The following ACOT7 variants were observed in gnomAD, a reference collection of about 807,000 sequenced individuals.
ACOT7 encodes the protein acyl-CoA thioesterase 7.
A neutral mutation model predicts 40.2 loss-of-function variants in ACOT7; 12 were observed. The ratio of observed to expected loss-of-function variants is 0.30; its 90% CI spans 0.19 to 0.48. The LOEUF is 0.48. Among genes scored for constraint, ACOT7 ranks in the 20% least tolerant of loss-of-function variants. The pLI, the probability that ACOT7 is intolerant of heterozygous loss-of-function variation, is 0.99. For synonymous variants in ACOT7, 228 were observed against 219.5 expected (o/e 1.04, Z -0.34); for missense variants, 395 against 530.8 (o/e 0.74, Z 2.51).
rs1639278618 is a variant in ACOT7 at position 6,278,999 on chromosome 1, G to A, written c.1014+2103C>T. ...AGCTTCGGAAATGTGCCTGGGTCAG[G>A]TGGGGGATTCAGCATCAGGACAGAC... On this transcript the variant is annotated intron_variant, in intron 8 of 8. Transcript: ENST00000361521. The surrounding 1 kb of genome is among the most constrained non-coding windows in gnomAD (Gnocchi z 4.1). 6.6e-6 allele frequency among the ~76,000 whole-genome samples: 1 copy of A among 152,224 alleles called. No individual in the cohort carries two copies. The highest frequency in any genetic ancestry group is 1.5e-5 in the Non-Finnish European group (1 of 68,028).
intron 4 of ACOT7, among the ~76,000 whole-genome samples, chr1:6,329,446 T>A (rs1387361197): frequency 1.3e-5 from 2 of 151,896 alleles, no homozygotes; most frequent in Non-Finnish European, 2.9e-5. Context: ...CTAGGAACAT[T>A]GGTGGGTGAA....
intron 4 of ACOT7, among the ~76,000 whole-genome samples, chr1:6,329,675 T>A (rs1417862056): frequency 6.6e-6 from 1 of 151,956 alleles, no homozygotes; most frequent in Non-Finnish European, 1.5e-5. Context: ...CTGGAACATT[T>A]TAATGATGGC....
At chr1:6,284,673 C>T (rs772504129) in intron 7 of ACOT7, among the ~76,000 whole-genome samples, 11 of 152,082 alleles carry the variant, frequency 7.2e-5, no homozygotes, top group African/African-American at 1.2e-4. Flanking sequence ...AAATCCTCTC[C>T]GCCTCCTCCA....
intron 6 of ACOT7, among the ~76,000 whole-genome samples, chr1:6,304,179 C>T (rs1371630070): frequency 6.6e-6 from 1 of 152,044 alleles, no homozygotes; most frequent in Non-Finnish European, 1.5e-5. Flanking sequence ...AGTTTCCTTC[C>T]AAGAGTCCAG....
At chr1:6,380,779 T>C (rs1642320296) in intron 1 of ACOT7, among the ~76,000 whole-genome samples, 1 of 150,452 alleles carries the variant, frequency 6.6e-6, no homozygotes, top group South Asian at 2.1e-4. Context: ...ATAAAACTCT[T>C]AGAAGAAAAC....
chr1:6,317,102 T>G (rs1196224110), intron 6 of ACOT7, among the ~76,000 whole-genome samples: 1 of 152,196 alleles, frequency 6.6e-6, no homozygotes, highest in Non-Finnish European at 1.5e-5. Flanking sequence ...TGTGCAAAAG[T>G]GCCTGTTATG....
chr1:6,269,465 G>A (rs768937610), intron 8 of ACOT7, among the ~76,000 whole-genome samples: 5 of 152,302 alleles, frequency 3.3e-5, no homozygotes, highest in Non-Finnish European at 4.4e-5. Flanking sequence ...CCACCCCAGC[G>A]GCCACCAGGC....
At chr1:6,270,461 C>T (rs956676845) in intron 8 of ACOT7, among the ~76,000 whole-genome samples, 1 of 152,174 alleles carries the variant, frequency 6.6e-6, no homozygotes, top group African/African-American at 2.4e-5. Context: ...CAGGCTCCTC[C>T]GAGCCTCTGG....
intron 3 of ACOT7, among the ~76,000 whole-genome samples, chr1:6,334,463 G>A (rs1038708847): frequency 1.3e-5 from 2 of 152,248 alleles, no homozygotes; most frequent in Admixed American, 6.5e-5. Context: ...CAGGGGGGAC[G>A]GCCAGGGCCC....
At chr1:6,340,121 A>G (rs961347057) in intron 2 of ACOT7, among the ~76,000 whole-genome samples, 3 of 151,952 alleles carry the variant, frequency 2.0e-5, no homozygotes, top group East Asian at 1.9e-4. Context: ...GCCCGCCACC[A>G]TGCCCGGCTA....
chr1:6,302,071 TCAGATTATA>T (rs1639988835), intron 6 of ACOT7, among the ~76,000 whole-genome samples: 1 of 152,172 alleles, frequency 6.6e-6, no homozygotes, highest in Admixed American at 6.5e-5. Flanking sequence ...GTGTCTATTA[TCAGATTATA>T]CCCCACACCT....
chr1:6,304,965 G>A (rs1477935182), intron 6 of ACOT7, among the ~76,000 whole-genome samples: 4 of 148,454 alleles, frequency 2.7e-5, no homozygotes, highest in East Asian at 2.0e-4. Context: ...TTCCCAGTAG[G>A]GGCGGCCGGG....
In ACOT7 at chr1:6,289,068, T is replaced by G. The variant is rs1242683891; in HGVS notation, c.829+5796A>C. On this transcript the variant is annotated intron_variant, in intron 7 of 8. Coordinates refer to ENST00000361521, the MANE Select transcript of ACOT7 (RefSeq NM_007274.4). The surrounding 1 kb of genome is among the most constrained non-coding windows in gnomAD (Gnocchi z 4.6). ...GAAGCCACCCCACAGGTCTGGCGTCTCCATTCCGCATTCCCACTGTTTTCT... is the reference window on the plus strand; with the variant it reads ...GAAGCCACCCCACAGGTCTGGCGTCGCCATTCCGCATTCCCACTGTTTTCT... Among the ~76,000 whole-genome samples the G allele has an allele frequency of 6.6e-6, 1 of 152,214 alleles. No homozygotes were observed. Among genetic ancestry groups the G allele is most frequent in the Non-Finnish European group, 1.5e-5 (1 of 68,050 alleles).
chr1:6,336,816 A>G (rs1641117931), intron 3 of ACOT7, among the ~76,000 whole-genome samples: 1 of 152,216 alleles, frequency 6.6e-6, no homozygotes, highest in Non-Finnish European at 1.5e-5. Flanking sequence ...AAGGGCCTCA[A>G]GAGAACAATA....
At chr1:6,296,354 T>C (rs907976924) in intron 6 of ACOT7, among the ~76,000 whole-genome samples, 4 of 152,240 alleles carry the variant, frequency 2.6e-5, no homozygotes, top group African/African-American at 9.6e-5. Flanking sequence ...ACCACCACTG[T>C]GCACATGCTG....
rs3789514 is a variant in ACOT7, at chr1:6,269,895, C to T, written c.1015-5200G>A. Among the ~76,000 whole-genome samples, 1,157 of 152,350 alleles carry T rather than the reference C, an allele frequency of 7.6e-3. 103 individuals are homozygous for T. In the East Asian group the frequency reaches 0.19, roughly 26 times the overall value. ...CCATAAGCGCTGCCCTCCCAAGGTG[C>T]GGGCGGCCTTCCTCCCTGAGTGCCC... On this transcript the variant is annotated intron_variant, in intron 8 of 8. Transcript: ENST00000361521.
intron 8 of ACOT7, among the ~76,000 whole-genome samples, chr1:6,277,192 C>G (rs909784882): frequency 6.6e-6 from 1 of 152,226 alleles, no homozygotes; most frequent in African/African-American, 2.4e-5. Context: ...GCCCATGGAT[C>G]GCTGGCCCCT....
intron 5 of ACOT7, among the ~76,000 whole-genome samples, chr1:6,325,113 T>C (rs112485960): frequency 0.07 from 10,625 of 152,314 alleles, 874 homozygotes; most frequent in African/African-American, 0.2. Flanking sequence ...TTAAAAGATA[T>C]CTCAGCCGGG....
chr1:6,335,723 G>C (rs182052803), intron 3 of ACOT7, among the ~76,000 whole-genome samples: 1 of 152,178 alleles, frequency 6.6e-6, no homozygotes, highest in Non-Finnish European at 1.5e-5. Context: ...GCCCCAGGGG[G>C]CCCATTAAGA....
Sources: gnomAD v4.1 joint callset for allele counts (sites outside exome capture counted in the v4.1 genomes callset) on GRCh38, gnomAD v4.1.1 for gene constraint, Gnocchi (gnomAD v3.1) non-coding constraint, MANE v1.5 for transcripts, NCBI Gene and HGNC (gene_info 2026-07-23, HGNC 2026-07-21) for gene names.